NUP210L: variants seen among roughly 807,000 people sequenced by gnomAD.
NUP210L encodes nuclear pore membrane glycoprotein 210-like.
A neutral mutation model predicts 208.5 loss-of-function variants in NUP210L; 74 were observed. The ratio of observed to expected loss-of-function variants is 0.35; its 90% confidence interval spans 0.29 to 0.43. The LOEUF (loss-of-function observed/expected upper bound fraction) is 0.43, where lower values mean the gene tolerates loss of function less well. Among genes scored for constraint, NUP210L ranks in the 20% least tolerant of loss-of-function variants. The pLI is 1.00. For missense variants in NUP210L, 1,843 were observed against 2,289.4 expected (o/e 0.81, Z 3.98); for synonymous variants, 780 against 816.9 (o/e 0.95, Z 0.77).
intron 10 of NUP210L, among the ~76,000 whole-genome samples, chr1:154,120,937 T>A (rs1657588445): frequency 6.6e-6 from 1 of 150,898 alleles, no homozygotes; most frequent in Admixed American, 6.6e-5. Context: ...ATTAAATTTA[T>A]AAATATGTAC....
chr1:154,005,785 G>A (rs1422569972), intron 35 of NUP210L, among the ~76,000 whole-genome samples: 3 of 150,994 alleles, frequency 2.0e-5, no homozygotes, highest in Admixed American at 1.3e-4. Flanking sequence ...GTGCAATGGC[G>A]TGATCTCAGC....
At chr1:154,131,383 T>G (rs1658246846) in intron 7 of NUP210L, among the ~76,000 whole-genome samples, 1 of 152,174 alleles carries the variant, frequency 6.6e-6, no homozygotes, top group South Asian at 2.1e-4. Flanking sequence ...CAATTCATTC[T>G]TCTGATATCG....
intron 22 of NUP210L, 66 bp downstream of exon 22, chr1:154,058,023 C>A: frequency 1.3e-6 from 2 of 1,547,698 alleles, no homozygotes; most frequent in Non-Finnish European, 1.8e-6. Context: ...GAAAGCTGAC[C>A]AGGTCACTAG....
At position 154,062,589 on chromosome 1, in the gene NUP210L, T is replaced by TTTTTTTTTTTTTTTTTTTTTC. The variant is rs1557949623; in HGVS notation, c.2555-916_2555-915insGAAAAAAAAAAAAAAAAAAAA. On this transcript the variant is annotated intron_variant, in intron 17 of 39. Transcript: ENST00000368559. Reference sequence around the variant, plus strand: ...TTCCTTTTTTTTTTTTTTTTTTTTTTTGTGTGTGTGTGTGTGTGTGACAGG... The same window carrying TTTTTTTTTTTTTTTTTTTTTC: ...TTCCTTTTTTTTTTTTTTTTTTTTTTTTTTTTTTTTTTTTTTTTTTCTGTGTGTGTGTGTGTGTGTGACAGG... 1.8e-5 allele frequency among the ~76,000 whole-genome samples: 2 copies of TTTTTTTTTTTTTTTTTTTTTC among 112,878 alleles called. 1 individual carries two copies. 74.1% of individuals were successfully genotyped at this position (112,878 alleles called of 152,430 possible).
chr1:154,070,302 T>A (rs1315424665), exon 17 of NUP210L: 1 of 1,610,456 alleles, frequency 6.2e-7, no homozygotes, highest in Non-Finnish European at 8.5e-7. Flanking sequence ...ACTGCCATCA[T>A]CTTTTGCTAC....
chr1:154,124,756 A>G (rs1657794964), intron 10 of NUP210L, among the ~76,000 whole-genome samples: 1 of 152,086 alleles, frequency 6.6e-6, no homozygotes, highest in Non-Finnish European at 1.5e-5. Flanking sequence ...GTTTGAGACC[A>G]TTGTGGGCAA....
intron 33 of NUP210L, among the ~76,000 whole-genome samples, chr1:154,018,277 T>G (rs1001294600): frequency 1.3e-5 from 2 of 152,160 alleles, no homozygotes; most frequent in Admixed American, 6.6e-5. Context: ...TGGCCTTTTT[T>G]CTATTTTACA....
Position 154,109,480 on chromosome 1 carries a change from A to T in NUP210L, c.1621-5270T>A, listed in dbSNP as rs1656935297. On this transcript the variant is annotated intron_variant, in intron 12 of 39. Transcript: ENST00000368559. The stretch of plus-strand genomic sequence containing the variant: ...ACACCCTACTTTCAACAATGAACAG[A>T]TTATCCAGACAGATAATCAACAAAG... Among the ~76,000 whole-genome samples, 3 of 151,732 alleles carry T rather than the reference A, an allele frequency of 2.0e-5. No individual in the cohort carries two copies. The South Asian group carries it at 6.2e-4, about 31-fold the overall frequency.
chr1:154,108,790 A>G (rs1473101105), intron 12 of NUP210L, among the ~76,000 whole-genome samples: 2 of 151,778 alleles, frequency 1.3e-5, no homozygotes, highest in Non-Finnish European at 2.9e-5. Flanking sequence ...CAAAAAAGAT[A>G]GAGTGACTGA....
intron 23 of NUP210L, among the ~76,000 whole-genome samples, chr1:154,055,177 TTCTTTCTTTCTTTTTC>T (rs1270122305): frequency 7.4e-5 from 6 of 81,300 alleles, no homozygotes; most frequent in Non-Finnish European, 1.8e-4. Context: ...CTTTCTTTCT[TTCTTTCTTTCTTTTTC>T]TTTCTTTCTT....
At chr1:154,135,817 T>G in exon 7 of NUP210L, 1 of 1,613,940 alleles carries the variant, frequency 6.2e-7, no homozygotes, top group Non-Finnish European at 8.5e-7. Context: ...AGGATACTTT[T>G]ATGGACAAAG....
At chr1:154,094,183 C>T (rs1362741551) in intron 15 of NUP210L, among the ~76,000 whole-genome samples, 1 of 151,700 alleles carries the variant, frequency 6.6e-6, no homozygotes, top group Non-Finnish European at 1.5e-5. Context: ...CTCAGGAGGC[C>T]GAAACAGGAG....
At chr1:154,149,228 G>A (rs761476101) in intron 2 of NUP210L, among the ~76,000 whole-genome samples, 1 of 151,984 alleles carries the variant, frequency 6.6e-6, no homozygotes, top group East Asian at 1.9e-4. Context: ...TGGAATTACA[G>A]GTGCCCATCA....
intron 27 of NUP210L, 74 bp downstream of exon 27, chr1:154,045,995 G>A: frequency 7.1e-7 from 1 of 1,403,534 alleles, no homozygotes; most frequent in South Asian, 1.4e-5. Context: ...AAAACAAAAA[G>A]AAACTTATGA....
In NUP210L at chr1:154,135,913, T is replaced by A. The variant is rs778893441; in HGVS notation, c.910A>T (p.Asn304Tyr). The change falls in exon 7 of 40, where the codon AAC becomes TAC. Residue 304 changes from asparagine to tyrosine, a missense_variant. Physicochemically the swap from Asn to Tyr is moderately radical, Grantham distance 143. Coordinates refer to ENST00000368559, the Ensembl canonical transcript of NUP210L. Reference sequence around the variant, plus strand: ...GCCACTTTCTCAGAATGAGACCCGTTAAGTGCAACTCTATGGTCTTGCAAT... The same window carrying A: ...GCCACTTTCTCAGAATGAGACCCGTAAAGTGCAACTCTATGGTCTTGCAAT... 1.8e-5 allele frequency: 29 copies of A among 1,600,168 alleles called. No individual in the cohort carries two copies. In the East Asian group the frequency reaches 6.5e-4, roughly 36 times the overall value.
chr1:154,089,167 A>C (rs376359213), intron 16 of NUP210L, among the ~76,000 whole-genome samples: 67 of 152,298 alleles, frequency 4.4e-4, no homozygotes, highest in African/African-American at 1.5e-3. Context: ...TCAGAAAATG[A>C]GTAATGAGTA....
chr1:154,133,832 A>G (rs756363939), intron 7 of NUP210L, among the ~76,000 whole-genome samples: 1 of 150,032 alleles, frequency 6.7e-6, no homozygotes, highest in Admixed American at 6.6e-5. Context: ...TGGGCAACAG[A>G]GTGAGACCCT....
intron 14 of NUP210L, 49 bp downstream of exon 14, chr1:154,099,949 G>C: frequency 6.3e-7 from 1 of 1,582,078 alleles, no homozygotes; most frequent in East Asian, 2.2e-5. Flanking sequence ...AGCAGACATA[G>C]TTAAGTCCAT....
At position 154,071,523 on chromosome 1, in the gene NUP210L, T is replaced by G. The variant is rs376645256; in HGVS notation, c.2362-1058A>C. Among the ~76,000 whole-genome samples, 22 of 151,850 alleles carry G rather than the reference T, an allele frequency of 1.4e-4. No homozygotes were observed. In the East Asian group the frequency reaches 3.7e-3, roughly 25 times the overall value. On this transcript the variant is annotated intron_variant, in intron 16 of 39. Transcript: ENST00000368559. ...ATCCTCATAGTTTAGTTCCTACTTA[T>G]GAGTAAGAGCACACGATGTTTGGTT...
Sources: gnomAD v4.1 joint callset for allele counts (sites outside exome capture counted in the v4.1 genomes callset) on GRCh38, gnomAD v4.1.1 for gene constraint, MANE v1.5 for transcripts, NCBI Gene and HGNC (gene_info 2026-07-23, HGNC 2026-07-21) for gene names.